The following AUTS2 variants were observed in gnomAD, a reference collection of about 807,000 sequenced individuals.
AUTS2 encodes activator of transcription and developmental regulator AUTS2, also known as autism susceptibility gene 2 protein.
A neutral mutation model predicts 112.4 loss-of-function variants in AUTS2; 17 were observed. The observed-to-expected ratio is 0.15, with a 90% CI of 0.10 to 0.23. The LOEUF (loss-of-function observed/expected upper bound fraction) is 0.23, where lower values mean the gene tolerates loss of function less well. AUTS2 is among the 10% of genes least tolerant of loss of function. The probability of loss-of-function intolerance (pLI) is 1.00; values close to 1 mark genes in which losing one functional copy is unlikely to be tolerated. For missense variants in AUTS2, 1,510 were observed against 1,701.6 expected (o/e 0.89, Z 1.98); for synonymous variants, 751 against 702.7 (o/e 1.07, Z -1.09).
At chr7:70,503,327 A>C (rs1321554144) in intron 5 of AUTS2, among the ~76,000 whole-genome samples, 1 of 151,946 alleles carries the variant, frequency 6.6e-6, no homozygotes, top group Admixed American at 6.6e-5. Flanking sequence ...ACAAATTCTA[A>C]GTGTAGCATT....
At chr7:70,574,518 A>G (rs979791229) in intron 5 of AUTS2, among the ~76,000 whole-genome samples, 5 of 152,214 alleles carry the variant, frequency 3.3e-5, no homozygotes, top group Non-Finnish European at 7.3e-5. Flanking sequence ...TGGCCTACAT[A>G]GTACAAGCAA....
chr7:69,874,775 C>A (rs1287663076), intron 1 of AUTS2, among the ~76,000 whole-genome samples: 1 of 152,134 alleles, frequency 6.6e-6, no homozygotes, highest in African/African-American at 2.4e-5. Flanking sequence ...TCTCATGCCT[C>A]AGCCTCCCAA....
At chr7:70,224,456 A>C (rs1811663287) in intron 4 of AUTS2, among the ~76,000 whole-genome samples, 2 of 152,216 alleles carry the variant, frequency 1.3e-5, no homozygotes, top group South Asian at 4.1e-4. Flanking sequence ...TATGGATATA[A>C]AGGAAGAAAG....
intron 1 of AUTS2, among the ~76,000 whole-genome samples, chr7:69,644,567 G>A (rs533210836): frequency 1.1e-4 from 16 of 151,184 alleles, no homozygotes; most frequent in African/African-American, 3.4e-4. Flanking sequence ...TCAAGATGTA[G>A]AGGGCTCAGT....
chr7:70,128,713 T>C (rs745823484), intron 3 of AUTS2, among the ~76,000 whole-genome samples: 1 of 152,238 alleles, frequency 6.6e-6, no homozygotes, highest in Non-Finnish European at 1.5e-5. Flanking sequence ...CCTGGGCTGC[T>C]TTAATGAATG....
At chr7:69,735,845 T>C (rs1258618879) in intron 1 of AUTS2, among the ~76,000 whole-genome samples, 1 of 152,208 alleles carries the variant, frequency 6.6e-6, no homozygotes, top group East Asian at 1.9e-4. Flanking sequence ...GAAATGTCTG[T>C]CAATGAAAGC....
intron 4 of AUTS2, among the ~76,000 whole-genome samples, chr7:70,166,501 T>C (rs1808389787): frequency 1.3e-5 from 2 of 152,224 alleles, no homozygotes; most frequent in African/African-American, 4.8e-5. Flanking sequence ...AATGGAAATA[T>C]ACTGTTGTAA....
intron 2 of AUTS2, among the ~76,000 whole-genome samples, chr7:70,059,322 T>C (rs1421274114): frequency 6.6e-6 from 1 of 152,234 alleles, no homozygotes; most frequent in Non-Finnish European, 1.5e-5. Flanking sequence ...CCTCCGTGTC[T>C]TTTAATGGCT....
chr7:69,669,445 TAG>T (rs980942192), intron 1 of AUTS2, among the ~76,000 whole-genome samples: 12 of 152,292 alleles, frequency 7.9e-5, no homozygotes, highest in African/African-American at 2.6e-4. Context: ...CAGGATTCTA[TAG>T]AGTTAATTTT....
intron 5 of AUTS2, among the ~76,000 whole-genome samples, chr7:70,528,838 A>G (rs11976604): frequency 0.25 from 37,234 of 151,664 alleles, 4,659 homozygotes; most frequent in Middle Eastern, 0.39. Flanking sequence ...CCCTCCATCT[A>G]GAAGGGGAAC....
chr7:69,766,573 C>T (rs1001712564), intron 1 of AUTS2, among the ~76,000 whole-genome samples: 10 of 152,124 alleles, frequency 6.6e-5, no homozygotes, highest in African/African-American at 9.7e-5. Context: ...TTAAATTCAT[C>T]GTTTTGGGCC....
At chr7:70,418,107 G>GTGTC (rs35379824) in intron 4 of AUTS2, among the ~76,000 whole-genome samples, 20,478 of 150,898 alleles carry the variant, frequency 0.14, 1,666 homozygotes, top group Non-Finnish European at 0.17. Flanking sequence ...GTGTGTGTGT[G>GTGTC]TGTGTCTGTG....
At chr7:70,764,695 A>G in intron 7 of AUTS2, 57 bp from the exon 8 acceptor site, 1 of 706,562 alleles carries the variant, frequency 1.4e-6, no homozygotes, top group Admixed American at 2.1e-5. Flanking sequence ...TTTTAAAGAG[A>G]ATACATTGCT....
At chr7:70,773,744 AT>A (rs372533231) in intron 11 of AUTS2, among the ~76,000 whole-genome samples, 3 of 152,354 alleles carry the variant, frequency 2.0e-5, no homozygotes, top group Admixed American at 2.0e-4. Flanking sequence ...CCAGGACAGC[AT>A]TTACGTTTGT....
intron 5 of AUTS2, among the ~76,000 whole-genome samples, chr7:70,609,060 C>A (rs1265243447): frequency 6.6e-6 from 1 of 152,044 alleles, no homozygotes; most frequent in Admixed American, 6.6e-5. Context: ...ATACGTATGA[C>A]CTTACATACT....
chr7:69,737,914 C>T (rs772114201), intron 1 of AUTS2, among the ~76,000 whole-genome samples: 2 of 152,134 alleles, frequency 1.3e-5, no homozygotes, highest in African/African-American at 2.4e-5. Flanking sequence ...CAAATCAAAT[C>T]GGAAACATTG....
chr7:69,643,775 C>T (rs920354837), intron 1 of AUTS2, among the ~76,000 whole-genome samples: 1 of 152,032 alleles, frequency 6.6e-6, no homozygotes, highest in Non-Finnish European at 1.5e-5. Context: ...ATTGTATTCT[C>T]CACCCCCCAA....
At chr7:69,814,675 T>TGCACTTGGGGGCTGAATTG (rs1790681998) in intron 1 of AUTS2, among the ~76,000 whole-genome samples, 1 of 152,252 alleles carries the variant, frequency 6.6e-6, no homozygotes, top group African/African-American at 2.4e-5. Context: ...ACAGTGAATG[T>TGCACTTGGGGGCTGAATTG]GCACTTGGGG....
At chr7:70,587,756 T>C (rs577385177) in intron 5 of AUTS2, among the ~76,000 whole-genome samples, 2 of 152,308 alleles carry the variant, frequency 1.3e-5, no homozygotes, top group Admixed American at 1.3e-4. Context: ...ATATTGGCAA[T>C]TGTATGTGGT....
Sources: allele counts gnomAD v4.1 joint callset (sites outside exome capture counted in the v4.1 genomes callset), GRCh38; gene constraint gnomAD v4.1.1; transcripts MANE v1.5; gene names NCBI Gene and HGNC (gene_info 2026-07-23, HGNC 2026-07-21).